SPIDR: variants seen among roughly 807,000 people sequenced by gnomAD.
SPIDR encodes scaffold protein involved in DNA repair.
In SPIDR, 93 loss-of-function variants were observed where a neutral mutation model predicts 104.6. That is an observed-to-expected ratio of 0.89 (90% CI 0.75 to 1.06). SPIDR has a LOEUF of 1.06. SPIDR is among the 50% of genes least tolerant of loss of function. The pLI is 0.00. For synonymous variants in SPIDR, 431 were observed against 416.9 expected (o/e 1.03, Z -0.41); for missense variants, 1,154 against 1,111.2 (o/e 1.04, Z -0.55).
intron 10 of SPIDR, among the ~76,000 whole-genome samples, chr8:47,646,188 TA>T (rs765831282): frequency 1.3e-5 from 2 of 152,200 alleles, no homozygotes; most frequent in East Asian, 1.9e-4. Context: ...TGTCTCATGA[TA>T]AAAAATATGA....
chr8:47,407,798 T>C (rs1462367942), intron 6 of SPIDR, 63 bp from the exon 7 acceptor site: 6 of 977,898 alleles, frequency 6.1e-6, no homozygotes, highest in Non-Finnish European at 9.4e-6. Context: ...ACAATATAAA[T>C]GTTCCAGTGA....
At chr8:47,640,338 C>T (rs2068668426) in intron 10 of SPIDR, among the ~76,000 whole-genome samples, 1 of 152,198 alleles carries the variant, frequency 6.6e-6, no homozygotes, top group Admixed American at 6.5e-5. Flanking sequence ...GTTAGGAAGG[C>T]CCATAGAAGG....
intron 8 of SPIDR, among the ~76,000 whole-genome samples, chr8:47,487,589 G>C (rs2077893799): frequency 6.6e-6 from 1 of 152,050 alleles, no homozygotes; most frequent in Admixed American, 6.5e-5. Context: ...CTCCAAAATT[G>C]ACCACATAGT....
At chr8:47,717,641 C>T (rs907761871) in intron 16 of SPIDR, among the ~76,000 whole-genome samples, 3 of 152,156 alleles carry the variant, frequency 2.0e-5, no homozygotes, top group African/African-American at 4.8e-5. Flanking sequence ...TGACTTAGTG[C>T]AGTGACCTCC....
chr8:47,551,554 G>T lies in SPIDR; in HGVS notation c.1098-44257G>T, dbSNP rs182983285. Among the ~76,000 whole-genome samples the T allele has an allele frequency of 2.6e-5, 4 of 152,222 alleles. No homozygotes were observed. In the East Asian group the frequency reaches 5.8e-4, roughly 22 times the overall value. Reference sequence around the variant, plus strand: ...TTCTTCTAGATTTTCTAGTTTATTTGTGTAGAGGTGTTTATAGTATTCTCT... The same window carrying T: ...TTCTTCTAGATTTTCTAGTTTATTTTTGTAGAGGTGTTTATAGTATTCTCT... On this transcript the variant is annotated intron_variant, in intron 8 of 19. Transcript: ENST00000297423.
chr8:47,357,358 T>C (rs1160360523), intron 5 of SPIDR, among the ~76,000 whole-genome samples: 1 of 152,154 alleles, frequency 6.6e-6, no homozygotes, highest in Non-Finnish European at 1.5e-5. Context: ...CTGTCAGAAC[T>C]CGCTCTGCTT....
At chr8:47,267,980 G>A (rs185657747) in intron 1 of SPIDR, among the ~76,000 whole-genome samples, 42 of 152,158 alleles carry the variant, frequency 2.8e-4, no homozygotes, top group Non-Finnish European at 1.3e-4. Flanking sequence ...TTACATTTAG[G>A]TCTGTGATTC....
chr8:47,580,433 G>A (rs1283835532), intron 8 of SPIDR, among the ~76,000 whole-genome samples: 1 of 152,144 alleles, frequency 6.6e-6, no homozygotes, highest in Non-Finnish European at 1.5e-5. Context: ...CAAGAAATCT[G>A]TGTAGTGCTT....
chr8:47,391,945 G>A (rs1166107756), intron 5 of SPIDR, among the ~76,000 whole-genome samples: 14 of 145,344 alleles, frequency 9.6e-5, no homozygotes, highest in East Asian at 2.0e-4. Context: ...GCAGTGAGCC[G>A]AGATTGCGCC....
intron 8 of SPIDR, among the ~76,000 whole-genome samples, chr8:47,563,624 A>G (rs1010743060): frequency 6.6e-6 from 1 of 152,138 alleles, no homozygotes; most frequent in Non-Finnish European, 1.5e-5. Flanking sequence ...GCTAGGTGCT[A>G]GTGGTTAAGA....
chr8:47,677,890 G>A (rs2076637749), intron 11 of SPIDR, among the ~76,000 whole-genome samples: 1 of 152,098 alleles, frequency 6.6e-6, no homozygotes, highest in Admixed American at 6.6e-5. Context: ...GATGCAAAAG[G>A]GGAAGTAAGA....
chr8:47,580,268 GT>G (rs1391671346), intron 8 of SPIDR, among the ~76,000 whole-genome samples: 2 of 152,166 alleles, frequency 1.3e-5, no homozygotes, highest in Non-Finnish European at 2.9e-5. Flanking sequence ...AATAACCCTA[GT>G]TTTTGCTAAA....
intron 12 of SPIDR, among the ~76,000 whole-genome samples, chr8:47,701,068 G>A (rs548917503): frequency 6.6e-6 from 1 of 152,248 alleles, no homozygotes; most frequent in South Asian, 2.1e-4. Flanking sequence ...AACAAAACTG[G>A]GGCTGTCTTC....
intron 11 of SPIDR, among the ~76,000 whole-genome samples, chr8:47,699,099 A>T (rs1050436831): frequency 2.0e-5 from 3 of 152,206 alleles, no homozygotes; most frequent in Non-Finnish European, 4.4e-5. Context: ...AAGTAACACT[A>T]GGATTAAAAT....
At chr8:47,479,236 G>A (rs1296341602) in intron 8 of SPIDR, among the ~76,000 whole-genome samples, 2 of 151,806 alleles carry the variant, frequency 1.3e-5, no homozygotes, top group African/African-American at 4.8e-5. Flanking sequence ...GTGGGCGCCT[G>A]TAATCCCAGC....
chr8:47,432,991 AT>A (rs1332633689), intron 7 of SPIDR, among the ~76,000 whole-genome samples: 2 of 152,214 alleles, frequency 1.3e-5, no homozygotes, highest in Non-Finnish European at 2.9e-5. Context: ...TGTATTAAAA[AT>A]TTATGTCTTG....
intron 8 of SPIDR, among the ~76,000 whole-genome samples, chr8:47,552,255 T>A (rs1052149168): frequency 3.3e-5 from 5 of 152,150 alleles, no homozygotes; most frequent in African/African-American, 1.2e-4. Flanking sequence ...CTGTTGATTT[T>A]GGGTGGAGAG....
chr8:47,698,254 C>G (rs989759360), intron 11 of SPIDR, among the ~76,000 whole-genome samples: 3 of 152,140 alleles, frequency 2.0e-5, no homozygotes, highest in African/African-American at 7.2e-5. Flanking sequence ...TAAAGGATCA[C>G]TTTTTTAAAA....
chr8:47,734,136 G>A (rs2085756870), intron 19 of SPIDR, among the ~76,000 whole-genome samples: 1 of 152,190 alleles, frequency 6.6e-6, no homozygotes, highest in Admixed American at 6.5e-5. Flanking sequence ...TAGCTCCACT[G>A]GGCATTAGCG....
Sources: allele counts gnomAD v4.1 joint callset (sites outside exome capture counted in the v4.1 genomes callset), GRCh38; gene constraint gnomAD v4.1.1; transcripts MANE v1.5; gene names NCBI Gene and HGNC (gene_info 2026-07-23, HGNC 2026-07-21).